The following LCOR variants were observed in gnomAD, a reference collection of about 807,000 sequenced individuals.
LCOR encodes the protein ligand dependent nuclear receptor corepressor.
Under a neutral mutation model 64.4 loss-of-function variants are expected in LCOR, and 14 were observed. That is an observed-to-expected ratio of 0.22 (90% CI 0.14 to 0.34). The LOEUF is 0.34. LCOR is among the 10% of genes least tolerant of loss of function. The pLI, the probability that LCOR is intolerant of heterozygous loss-of-function variation, is 1.00. For synonymous variants in LCOR, 643 were observed against 642.5 expected, an observed-to-expected ratio of 1.00 and a Z score of -0.01; for missense variants, 1,686 against 1,765.3, an observed-to-expected ratio of 0.96 and a Z score of 0.80.
chr10:96,990,315 C>G lies in LCOR; in HGVS notation c.*5181C>G, dbSNP rs1848189183. On this transcript the variant is annotated 3_prime_UTR_variant, in exon 8 of 8. Coordinates refer to ENST00000421806, the MANE Select transcript of LCOR (RefSeq NM_001346516.2). ...ATCTTCATTTTTATGACGCCCACTG[C>G]AGGCTCAAAGAGATTTTCACACCTC... 1 of 151,958 alleles carries G rather than the reference C, an allele frequency of 6.6e-6. No individual in the cohort carries two copies. The highest frequency in any genetic ancestry group is 1.5e-5 in the Non-Finnish European group (1 of 68,038). 9.4% of individuals were successfully genotyped at this position (151,958 alleles called of 1,614,324 possible). A position where few individuals can be genotyped will look rare whatever the true frequency, so the allele number is the denominator to read the frequency against.
chr10:96,928,759 C>A (rs1040351736), intron 4 of LCOR, among the ~76,000 whole-genome samples: 1 of 152,138 alleles, frequency 6.6e-6, no homozygotes, highest in African/African-American at 2.4e-5. Flanking sequence ...GCAGCTATAA[C>A]CTTGCGAAAT....
intron 2 of LCOR, among the ~76,000 whole-genome samples, chr10:96,855,413 GT>G (rs559641956): frequency 6.8e-6 from 1 of 147,630 alleles, no homozygotes; most frequent in Non-Finnish European, 1.5e-5. Flanking sequence ...GACTGACGCT[GT>G]TTTTTTTTGT....
rs1848106641 is a variant in LCOR at position 96,982,945 on chromosome 10, A to G, written c.2485A>G (p.Arg829Gly). The change falls in exon 8 of 8, where the codon AGA becomes GGA. Residue 829 changes from arginine (R) to glycine (G), a missense_variant. By Grantham distance (125) the Arg-to-Gly change is moderately radical. Transcript: ENST00000421806. The part of the protein sequence containing the change: ...SQLSDSSSAD[R>G]CLRNQSSDSS... ...ACTTTCGGATTCTTCCTCTGCTGAC[A>G]GATGCCTAAGAAATCAGAGTTCAGA... 1.9e-6 allele frequency: 3 copies of G among 1,613,128 alleles called. No homozygotes were observed. The highest frequency in any genetic ancestry group is 1.3e-5 in the African/African-American group (1 of 74,770).
chr10:96,955,963 C>A (rs940922445), intron 7 of LCOR: 2 of 1,577,272 alleles, frequency 1.3e-6, no homozygotes, highest in African/African-American at 1.4e-5. Flanking sequence ...ACTGGGTGAG[C>A]ACTACTGCAT....
chr10:96,875,420 GT>G (rs1564611958), intron 2 of LCOR, among the ~76,000 whole-genome samples: 1 of 151,908 alleles, frequency 6.6e-6, no homozygotes, highest in Non-Finnish European at 1.5e-5. Flanking sequence ...ACAGAACATA[GT>G]TTTTTTCTCC....
intron 2 of LCOR, among the ~76,000 whole-genome samples, chr10:96,886,716 T>A (rs1176904434): frequency 6.6e-6 from 1 of 152,216 alleles, no homozygotes; most frequent in Non-Finnish European, 1.5e-5. Context: ...GTTTGTCTAA[T>A]CTTTAATGCC....
In LCOR at chr10:96,982,263, C is replaced by A; in HGVS notation, c.1803C>A (p.Asn601Lys). 6.2e-7 allele frequency: 1 copy of A among 1,614,212 alleles called. No individual in the cohort carries two copies. Among genetic ancestry groups the A allele is most frequent in the African/African-American group, 1.3e-5 (1 of 75,058 alleles). ...TTTGCCCCACAAAGATTAAGCCGAA[C>A]CTGAGCAGCTCCCCTAGGTCAGAGG... Reference protein sequence around the residue: ...PEVCPTKIKPNLSSSPRSEET... With the variant: ...PEVCPTKIKPKLSSSPRSEET... Residue 601 changes from asparagine (N) to lysine (K), a missense_variant, in exon 8 of 8, where the codon AAC becomes AAA. By Grantham distance (94) the Asn-to-Lys change is moderately conservative. This residue lies in a region of LCOR where 1,293 missense variants were observed against 1,410.4 expected (regional missense o/e 0.92). Transcript: ENST00000421806.
chr10:96,898,384 A>G (rs1846578516), intron 2 of LCOR, among the ~76,000 whole-genome samples: 1 of 152,144 alleles, frequency 6.6e-6, no homozygotes, highest in Non-Finnish European at 1.5e-5. Flanking sequence ...GTAGCAGGAG[A>G]GACTGAAAAG....
At chr10:96,964,140 A>G (rs1847923150) in intron 7 of LCOR, 1 of 152,108 alleles carries the variant, frequency 6.6e-6, no homozygotes, top group Non-Finnish European at 1.5e-5. Context: ...TGATTGCACT[A>G]CATTAAATTT....
At chr10:96,839,433 G>A in intron 2 of LCOR, among the ~76,000 whole-genome samples, 1 of 152,288 alleles carries the variant, frequency 6.6e-6, no homozygotes, top group East Asian at 1.9e-4. Flanking sequence ...GCCAGGTGCG[G>A]TGTCTCACAC....
chr10:96,868,957 G>T (rs1036838725), intron 2 of LCOR, among the ~76,000 whole-genome samples: 2 of 152,154 alleles, frequency 1.3e-5, no homozygotes, highest in African/African-American at 4.8e-5. Flanking sequence ...CTAGGCTGGA[G>T]TACAGTGGTA....
rs1848144386 is a variant in LCOR, at chr10:96,985,794, G to A, written c.*660G>A. On this transcript the variant is annotated 3_prime_UTR_variant, in exon 8 of 8. Transcript: ENST00000421806. ...TTGATGTTTTGTCATTTGAGAGCAT[G>A]TATTCTAAATTATGTGCCCATGGGA... is the stretch of plus-strand genomic sequence containing the variant. 6.0e-6 allele frequency: 1 copy of A among 167,036 alleles called. No homozygotes were observed. The highest frequency in any genetic ancestry group is 2.4e-5 in the African/African-American group (1 of 41,462). The allele number at this position is 167,036 out of a possible 1,614,324, so 10.3% of individuals were successfully genotyped here.
chr10:96,889,251 G>C (rs1846398366), intron 2 of LCOR, among the ~76,000 whole-genome samples: 1 of 152,118 alleles, frequency 6.6e-6, no homozygotes, highest in Non-Finnish European at 1.5e-5. Context: ...ATGGCCTTTT[G>C]TGTCTGGCTT....
intron 7 of LCOR, chr10:96,963,836 TTCTC>T (rs1847918518): frequency 6.6e-6 from 1 of 152,220 alleles, no homozygotes. Flanking sequence ...CTAAAATAAA[TTCTC>T]TCCACATATA....
chr10:96,923,470 C>T (rs889721515), intron 4 of LCOR, among the ~76,000 whole-genome samples: 15 of 152,174 alleles, frequency 9.9e-5, no homozygotes, highest in African/African-American at 3.6e-4. Context: ...CCTATTGAAA[C>T]TGCATTGTAT....
intron 2 of LCOR, among the ~76,000 whole-genome samples, chr10:96,875,358 G>A (rs1419685971): frequency 2.6e-5 from 4 of 151,782 alleles, no homozygotes; most frequent in Non-Finnish European, 1.5e-5. Flanking sequence ...GGGCGACAGA[G>A]CGAGACTCTG....
At chr10:96,861,269 A>C (rs1202901541) in intron 2 of LCOR, among the ~76,000 whole-genome samples, 1 of 152,218 alleles carries the variant, frequency 6.6e-6, no homozygotes. Context: ...AGCCCCACTA[A>C]AATTCACTAA....
intron 2 of LCOR, among the ~76,000 whole-genome samples, chr10:96,902,388 AG>A (rs1195758868): frequency 6.6e-6 from 1 of 152,172 alleles, no homozygotes; most frequent in East Asian, 1.9e-4. Context: ...TCAGGAGGAG[AG>A]GAAGAATTAT....
In LCOR at chr10:96,943,726, CA is replaced by C. The variant is rs201441895; in HGVS notation, c.-183-379del. The stretch of plus-strand genomic sequence containing the variant: ...TGATCCTCAAATGAGATTTGGAATT[CA>C]AAAAAAATTTTTTTTTTGGTAAATT... On this transcript the variant is annotated intron_variant, in intron 4 of 7. Transcript: ENST00000421806. 4.1e-5 allele frequency among the ~76,000 whole-genome samples: 6 copies of C among 146,192 alleles called. No homozygotes were observed. In the East Asian group the frequency reaches 1.2e-3, roughly 29 times the overall value.
Sources: gnomAD v4.1 joint callset for allele counts (sites outside exome capture counted in the v4.1 genomes callset) on GRCh38, gnomAD v4.1.1 for gene constraint, gnomAD v4.1.1 regional missense constraint, MANE v1.5 for transcripts, NCBI Gene and HGNC (gene_info 2026-07-23, HGNC 2026-07-21) for gene names.